Variants in STOX2 observed in about 807,000 individuals in gnomAD.
STOX2 encodes the protein storkhead box 2.
Under a neutral mutation model 60.9 loss-of-function variants are expected in STOX2, and 28 were observed. That is an observed-to-expected ratio of 0.46 (90% CI 0.34 to 0.63). STOX2 has a LOEUF of 0.63. Ranked by LOEUF, STOX2 falls within the 30% of genes least tolerant of loss-of-function variation. The pLI is 0.01. For synonymous variants in STOX2, 472 were observed against 463.9 expected (o/e 1.02, Z -0.22); for missense variants, 1,024 against 1,187.7 (o/e 0.86, Z 2.03).
At chr4:183,842,162 C>G (rs957897367) in intron 1 of STOX2, among the ~76,000 whole-genome samples, 3 of 152,332 alleles carry the variant, frequency 2.0e-5, no homozygotes, top group Non-Finnish European at 2.9e-5. Context: ...AGAGACCAGT[C>G]TTCTTACTGG....
upstream of STOX2, among the ~76,000 whole-genome samples, chr4:183,901,599 T>TG (rs200422467): frequency 3.2e-4 from 18 of 56,768 alleles, no homozygotes; most frequent in African/African-American, 1.7e-3. Context: ...TTTTGGGTAT[T>TG]TTTTTTTTTT....
chr4:183,898,531 G>A (rs560192812), intron 1 of STOX2, among the ~76,000 whole-genome samples: 1 of 152,194 alleles, frequency 6.6e-6, no homozygotes, highest in Non-Finnish European at 1.5e-5. Flanking sequence ...GGGTTGGTGA[G>A]AGTTATTTGG....
intron 1 of STOX2, among the ~76,000 whole-genome samples, chr4:183,923,140 C>A (rs1001452504): frequency 1.1e-4 from 17 of 152,108 alleles, no homozygotes; most frequent in African/African-American, 3.6e-4. Flanking sequence ...ATGTACATAC[C>A]CAGAAGTAGC....
At chr4:183,849,173 CA>C (rs1740052129) in intron 1 of STOX2, among the ~76,000 whole-genome samples, 1 of 152,158 alleles carries the variant, frequency 6.6e-6, no homozygotes, top group Non-Finnish European at 1.5e-5. Flanking sequence ...GGGCAGTTAC[CA>C]AAATTGGAGC....
chr4:183,947,484 A>C (rs1742929993), intron 1 of STOX2, among the ~76,000 whole-genome samples: 1 of 152,238 alleles, frequency 6.6e-6, no homozygotes, highest in East Asian at 1.9e-4. Context: ...CTTTGGTTCT[A>C]CACAGAACTC....
chr4:183,947,261 A>G (rs753280093), intron 1 of STOX2, among the ~76,000 whole-genome samples: 5 of 151,986 alleles, frequency 3.3e-5, no homozygotes, highest in African/African-American at 9.7e-5. Flanking sequence ...TAAAATTTCT[A>G]TTATTTTTTG....
At chr4:183,998,352 G>A (rs557013114) in intron 1 of STOX2, among the ~76,000 whole-genome samples, 177 of 152,138 alleles carry the variant, frequency 1.2e-3, no homozygotes, top group Middle Eastern at 3.4e-3. Context: ...TAAGAAAGCC[G>A]GCCTCAGTGC....
rs183182730 is a variant in STOX2, at chr4:184,022,776, G to A, written c.*5492G>A. 9 of 152,210 alleles carry A rather than the reference G, an allele frequency of 5.9e-5. No homozygotes were observed. The highest frequency in any genetic ancestry group is 1.9e-4 in the African/African-American group (8 of 41,442). The allele number at this position is 152,210 out of a possible 1,614,324, so 9.4% of individuals were successfully genotyped here. A position where few individuals can be genotyped will look rare whatever the true frequency, so the allele number is the denominator to read the frequency against. On this transcript the variant is annotated 3_prime_UTR_variant, in exon 4 of 4. Coordinates refer to ENST00000308497, the MANE Select transcript of STOX2 (RefSeq NM_020225.3). ...GCAGCTCCTCCACTTCCTTTCCTCC[G>A]AGGTCCTCCTTTCCATTCTCCCACC...
At chr4:183,855,814 G>A (rs1186531492) in intron 1 of STOX2, among the ~76,000 whole-genome samples, 1 of 152,218 alleles carries the variant, frequency 6.6e-6, no homozygotes, top group African/African-American at 2.4e-5. Flanking sequence ...GATTCGTCTG[G>A]AAGCGTGCAA....
chr4:183,800,412 C>T (rs780789892), intron 1 of STOX2, among the ~76,000 whole-genome samples: 1 of 152,184 alleles, frequency 6.6e-6, no homozygotes, highest in Non-Finnish European at 1.5e-5. Context: ...TACTGCTAAA[C>T]GTACAAAACC....
chr4:183,970,269 G>A (rs533342496), intron 1 of STOX2, among the ~76,000 whole-genome samples: 1 of 151,916 alleles, frequency 6.6e-6, no homozygotes, highest in Non-Finnish European at 1.5e-5. Flanking sequence ...CAGTCAAACA[G>A]TGGTGTCAAA....
chr4:183,925,354 T>C (rs555818449), intron 1 of STOX2, among the ~76,000 whole-genome samples: 67 of 152,138 alleles, frequency 4.4e-4, no homozygotes, highest in African/African-American at 1.4e-3. Flanking sequence ...TCAAACTCAC[T>C]TTTTTTTCGG....
chr4:183,810,351 C>A (rs1481547064), intron 1 of STOX2, among the ~76,000 whole-genome samples: 2 of 152,146 alleles, frequency 1.3e-5, no homozygotes, highest in East Asian at 3.8e-4. Context: ...TTTTAAAGTA[C>A]TGTGAGGAAG....
chr4:183,892,398 C>T (rs1369428312), intron 1 of STOX2, among the ~76,000 whole-genome samples: 1 of 152,186 alleles, frequency 6.6e-6, no homozygotes, highest in African/African-American at 2.4e-5. Flanking sequence ...CCTGCCTCAG[C>T]CTCCCGAGTA....
Position 184,010,738 on chromosome 4 carries a change from A to T in STOX2, c.1900A>T (p.Lys634Ter). ...HDTLTLAEGV[K>*]KLSPSDRQVP... is the part of the protein sequence containing the mutation. ...CACTCTGACTTTGGCAGAAGGGGTG[A>T]AAAAGCTCTCCCCTTCTGATAGGCA... The change falls in exon 3 of 4, where the codon AAA (lysine) becomes TAA (stop). Residue 634 changes from lysine to a stop codon, truncating the protein, a stop_gained. Coordinates refer to ENST00000308497, the MANE Select transcript of STOX2 (RefSeq NM_020225.3). LOFTEE classifies it high-confidence loss of function. The surrounding 1 kb of genome is among the most constrained non-coding windows in gnomAD (Gnocchi z 4.5). 6.3e-7 allele frequency: 1 copy of T among 1,594,024 alleles called. No individual in the cohort carries two copies. The highest frequency in any genetic ancestry group is 8.5e-7 in the Non-Finnish European group (1 of 1,170,380).
intron 1 of STOX2, among the ~76,000 whole-genome samples, chr4:183,921,455 T>C (rs944345880): frequency 6.6e-6 from 1 of 151,988 alleles, no homozygotes; most frequent in Non-Finnish European, 1.5e-5. Flanking sequence ...AAAAAAAAAG[T>C]GTCCTGTGAC....
chr4:184,013,435 T>C (rs568858993), intron 3 of STOX2, among the ~76,000 whole-genome samples: 120 of 152,360 alleles, frequency 7.9e-4, no homozygotes, highest in African/African-American at 2.7e-3. Context: ...AGGTAAAGAC[T>C]GTTCTAAAGA....
At chr4:183,809,310 G>A (rs1371184122) in intron 1 of STOX2, among the ~76,000 whole-genome samples, 1 of 152,072 alleles carries the variant, frequency 6.6e-6, no homozygotes, top group East Asian at 1.9e-4. Flanking sequence ...GGCTGGTCTC[G>A]AACTCTTCCT....
At chr4:183,824,476 C>T (rs933333313) in intron 1 of STOX2, among the ~76,000 whole-genome samples, 6 of 152,044 alleles carry the variant, frequency 3.9e-5, no homozygotes, top group African/African-American at 1.2e-4. Context: ...TCTGGATGAA[C>T]TCTGAGAGCT....
Sources: allele counts gnomAD v4.1 joint callset (sites outside exome capture counted in the v4.1 genomes callset), GRCh38; gene constraint gnomAD v4.1.1; non-coding constraint Gnocchi (gnomAD v3.1); transcripts MANE v1.5; gene names NCBI Gene and HGNC (gene_info 2026-07-23, HGNC 2026-07-21).